CCNY: variants seen among roughly 807,000 people sequenced by gnomAD.
CCNY encodes the protein cyclin Y, also known as cyclin-Y.
Under a neutral mutation model 42.8 loss-of-function variants are expected in CCNY, and 19 were observed. The ratio of observed to expected loss-of-function variants is 0.44; its 90% confidence interval spans 0.31 to 0.65. CCNY has a LOEUF of 0.65. Among genes scored for constraint, CCNY ranks in the 30% least tolerant of loss-of-function variants. The pLI is 0.07. For missense variants in CCNY, 370 were observed against 437.3 expected (o/e 0.85, Z 1.37); for synonymous variants, 165 against 162.7 (o/e 1.01, Z -0.11).
intron 1 of CCNY, among the ~76,000 whole-genome samples, chr10:35,441,432 A>G (rs1272769768): frequency 6.6e-6 from 1 of 152,142 alleles, no homozygotes; most frequent in Admixed American, 6.5e-5. Context: ...GGGCCCTATT[A>G]TTACTATGCT....
At chr10:35,491,315 T>C (rs1406672212) in intron 2 of CCNY, among the ~76,000 whole-genome samples, 1 of 152,204 alleles carries the variant, frequency 6.6e-6, no homozygotes, top group African/African-American at 2.4e-5. Flanking sequence ...ATTGCTCTCC[T>C]GAAGCAGTAG....
chr10:35,440,481 G>A (rs1838641595), intron 1 of CCNY, among the ~76,000 whole-genome samples: 1 of 152,212 alleles, frequency 6.6e-6, no homozygotes. Flanking sequence ...TTTCAGCTTT[G>A]CTTATGAAAA....
intron 2 of CCNY, among the ~76,000 whole-genome samples, chr10:35,249,724 AAAAT>A (rs1449033565): frequency 6.6e-6 from 1 of 152,190 alleles, no homozygotes; most frequent in Non-Finnish European, 1.5e-5. Flanking sequence ...CTTGCAGAAA[AAAAT>A]AACCTCGCAG....
At chr10:35,465,275 TCCCCG>T (rs910700354) in intron 1 of CCNY, among the ~76,000 whole-genome samples, 1 of 145,904 alleles carries the variant, frequency 6.9e-6, no homozygotes, top group Non-Finnish European at 1.5e-5. Flanking sequence ...CGATGGCCCC[TCCCCG>T]CCCCGCCCCT....
At chr10:35,492,607 T>C (rs1425138109) in intron 2 of CCNY, among the ~76,000 whole-genome samples, 1 of 152,238 alleles carries the variant, frequency 6.6e-6, no homozygotes, top group Non-Finnish European at 1.5e-5. Context: ...ATCTGCTGGA[T>C]TGCATCTTGC....
rs113280623 is a variant in CCNY, at chr10:35,437,151, T to C, written c.155-46253T>C. ...CAGTTATCTCCACCCGGCCCCACCATTGACACATGGGGATTATTACAATTC... is the reference window on the plus strand; with the variant it reads ...CAGTTATCTCCACCCGGCCCCACCACTGACACATGGGGATTATTACAATTC... On this transcript the variant is annotated intron_variant, in intron 1 of 9. Coordinates refer to ENST00000374704, the MANE Select transcript of CCNY (RefSeq NM_145012.6). Among the ~76,000 whole-genome samples, 521 of 152,294 alleles carry C rather than the reference T, an allele frequency of 3.4e-3. 1 individual carries two copies. Among genetic ancestry groups the C allele is most frequent in the South Asian group, 6.2e-3 (30 of 4,822 alleles).
chr10:35,470,352 GACAA>G (rs1484413483), intron 1 of CCNY, among the ~76,000 whole-genome samples: 1 of 152,158 alleles, frequency 6.6e-6, no homozygotes, highest in Admixed American at 6.5e-5. Flanking sequence ...GGGACAGACA[GACAA>G]ACAGAGCAGA....
chr10:35,529,051 G>A (rs1389429014), intron 5 of CCNY, among the ~76,000 whole-genome samples: 2 of 152,162 alleles, frequency 1.3e-5, no homozygotes, highest in Admixed American at 1.3e-4. Flanking sequence ...GGTACGGAGG[G>A]TCCCCGCAGA....
Position 35,450,650 on chromosome 10 carries a change from TTGGACA to T in CCNY, c.155-32750_155-32745del, listed in dbSNP as rs554498701. ...GGAGCTACATCTTTATTTCTGAATG[TTGGACA>T]TGGGGCACTTGGGGAGGCCAGTATT... On this transcript the variant is annotated intron_variant, in intron 1 of 9. Coordinates refer to ENST00000374704, the MANE Select transcript of CCNY (RefSeq NM_145012.6). 9.9e-4 allele frequency among the ~76,000 whole-genome samples: 151 copies of T among 152,092 alleles called. No individual in the cohort carries two copies. The Middle Eastern group carries it at 0.014, about 14-fold the overall frequency.
At chr10:35,273,917 C>A (rs1216711502) in intron 3 of CCNY, among the ~76,000 whole-genome samples, 1 of 152,140 alleles carries the variant, frequency 6.6e-6, no homozygotes, top group Non-Finnish European at 1.5e-5. Context: ...AGGGCCCTTC[C>A]TGCTCTGGGT....
intron 1 of CCNY, among the ~76,000 whole-genome samples, chr10:35,452,257 G>A (rs963578561): frequency 1.3e-5 from 2 of 152,180 alleles, no homozygotes; most frequent in African/African-American, 2.4e-5. Flanking sequence ...AGGCTCAAGT[G>A]ATTGGAGTGA....
chr10:35,559,623 G>A (rs1458139737), intron 8 of CCNY, among the ~76,000 whole-genome samples: 5 of 152,264 alleles, frequency 3.3e-5, no homozygotes, highest in Non-Finnish European at 5.9e-5. Context: ...CATCTCAGCA[G>A]AAGCGCTGCC....
At chr10:35,334,228 C>A (rs1480222710), upstream of CCNY, among the ~76,000 whole-genome samples, 1 of 152,184 alleles carries the variant, frequency 6.6e-6, no homozygotes, top group Non-Finnish European at 1.5e-5. Context: ...CTGTCTCTTT[C>A]TCCTCTTAAG....
chr10:35,377,140 A>G (rs1483922916), intron 1 of CCNY, among the ~76,000 whole-genome samples: 1 of 152,180 alleles, frequency 6.6e-6, no homozygotes, highest in Non-Finnish European at 1.5e-5. Flanking sequence ...GTAATGTCAT[A>G]GTATAATTAC....
At chr10:35,269,746 C>T (rs1031323948) in intron 3 of CCNY, among the ~76,000 whole-genome samples, 29 of 151,794 alleles carry the variant, frequency 1.9e-4, no homozygotes, top group African/African-American at 6.3e-4. Flanking sequence ...TCTCCTGCCT[C>T]AGCCTCTGAA....
intron 3 of CCNY, among the ~76,000 whole-genome samples, chr10:35,256,091 T>G (rs1281031561): frequency 1.3e-5 from 2 of 152,222 alleles, no homozygotes; most frequent in Non-Finnish European, 2.9e-5. Flanking sequence ...TGTCTTTGGA[T>G]CTAATAAAAA....
chr10:35,459,174 C>G (rs913743205), intron 1 of CCNY, among the ~76,000 whole-genome samples: 4 of 152,182 alleles, frequency 2.6e-5, no homozygotes, highest in Admixed American at 6.5e-5. Context: ...GATGGGATTT[C>G]TTAGTTGAAT....
chr10:35,365,019 C>T (rs1013387415), intron 1 of CCNY, among the ~76,000 whole-genome samples: 4 of 152,106 alleles, frequency 2.6e-5, no homozygotes, highest in African/African-American at 7.2e-5. Flanking sequence ...TGTATTTCCT[C>T]GTGTTGGAAT....
intron 1 of CCNY, among the ~76,000 whole-genome samples, chr10:35,409,371 C>T (rs1162421297): frequency 6.6e-6 from 1 of 152,160 alleles, no homozygotes; most frequent in Non-Finnish European, 1.5e-5. Context: ...ACACTAAGTT[C>T]AGTGTGGGTA....
Sources: gnomAD v4.1 joint callset for allele counts (sites outside exome capture counted in the v4.1 genomes callset) on GRCh38, gnomAD v4.1.1 for gene constraint, MANE v1.5 for transcripts, NCBI Gene and HGNC (gene_info 2026-07-23, HGNC 2026-07-21) for gene names.